GRID2: variants seen among roughly 807,000 people sequenced by gnomAD.
The protein encoded by GRID2 is glutamate receptor ionotropic, delta-2.
Under a neutral mutation model 114.8 loss-of-function variants are expected in GRID2, and 33 were observed. That is an observed-to-expected ratio of 0.29 (90% confidence interval 0.22 to 0.38). The LOEUF (loss-of-function observed/expected upper bound fraction) is 0.38, where lower values mean the gene tolerates loss of function less well. Ranked by LOEUF, GRID2 falls within the 10% of genes least tolerant of loss-of-function variation. GRID2 has a pLI of 1.00. For missense variants in GRID2, 1,184 were observed against 1,257.7 expected (o/e 0.94, Z 0.89); for synonymous variants, 505 against 449.9 (o/e 1.12, Z -1.55).
At chr4:93,572,052 T>G (rs1735977621) in intron 13 of GRID2, among the ~76,000 whole-genome samples, 1 of 152,160 alleles carries the variant, frequency 6.6e-6, no homozygotes, top group African/African-American at 2.4e-5. Flanking sequence ...TGGTTGCTGG[T>G]TGGCCTTCCT....
At position 93,773,147 on chromosome 4, in the gene GRID2, A is replaced by T. The variant is rs966067705; in HGVS notation, c.*649A>T. On this transcript the variant is annotated 3_prime_UTR_variant, in exon 16 of 16. Transcript: ENST00000282020. ...GACCTTTATGTGATTGTACAGTATTAAAAGTTTTTTCTTATGTACAGTAAA... is the reference window on the plus strand; with the variant it reads ...GACCTTTATGTGATTGTACAGTATTTAAAGTTTTTTCTTATGTACAGTAAA... The T allele has an allele frequency of 6.6e-6, 1 of 152,198 alleles. No homozygotes were observed. The highest frequency in any genetic ancestry group is 2.4e-5 in the African/African-American group (1 of 41,452). 9.4% of individuals were successfully genotyped at this position (152,198 alleles called of 1,614,324 possible).
intron 2 of GRID2, among the ~76,000 whole-genome samples, chr4:92,823,655 T>G (rs1741457587): frequency 1.3e-5 from 2 of 151,922 alleles, no homozygotes; most frequent in African/African-American, 2.4e-5. Flanking sequence ...AAAAAAATCT[T>G]ACATCTTCCT....
chr4:93,560,221 G>GAAAAAAAAAAAAAAAAAAAAAAAAAAAAA (rs1734769092), intron 13 of GRID2, among the ~76,000 whole-genome samples: 1 of 7,480 alleles, frequency 1.3e-4, no homozygotes, highest in Non-Finnish European at 2.6e-4. Context: ...AGAACTTAAA[G>GAAAAAAAAAAAAAAAAAAAAAAAAAAAAA]TAAAAAAAAA....
chr4:93,339,950 C>A (rs145632709), intron 8 of GRID2, among the ~76,000 whole-genome samples: 1,535 of 152,218 alleles, frequency 0.01, 16 homozygotes, highest in South Asian at 0.044. Flanking sequence ...GGGGAAACCG[C>A]CCCCATGATT....
chr4:92,921,849 G>A (rs781135797), intron 2 of GRID2, among the ~76,000 whole-genome samples: 20 of 152,164 alleles, frequency 1.3e-4, no homozygotes, highest in Non-Finnish European at 2.4e-4. Flanking sequence ...CTGCATGCTG[G>A]GAGAACCGCT....
intron 2 of GRID2, among the ~76,000 whole-genome samples, chr4:92,926,074 G>A (rs554302218): frequency 3.3e-5 from 5 of 151,918 alleles, no homozygotes; most frequent in African/African-American, 1.2e-4. Context: ...AGGAAAATAA[G>A]GTTTTAATAG....
chr4:92,799,128 G>T (rs1740031322), intron 2 of GRID2, among the ~76,000 whole-genome samples: 1 of 151,916 alleles, frequency 6.6e-6, no homozygotes, highest in Non-Finnish European at 1.5e-5. Context: ...AGAATCACTG[G>T]GAGCCCAGAG....
chr4:93,744,020 T>C (rs917902560), intron 14 of GRID2, among the ~76,000 whole-genome samples: 2 of 152,176 alleles, frequency 1.3e-5, no homozygotes, highest in African/African-American at 4.8e-5. Flanking sequence ...TTATACTCTA[T>C]AAATGGAACG....
At chr4:93,485,979 T>G (rs1380325312) in intron 11 of GRID2, among the ~76,000 whole-genome samples, 1 of 151,710 alleles carries the variant, frequency 6.6e-6, no homozygotes, top group Non-Finnish European at 1.5e-5. Context: ...CAGTATTAAG[T>G]CTCTCAATCA....
intron 2 of GRID2, among the ~76,000 whole-genome samples, chr4:92,936,120 T>A (rs891052241): frequency 1.4e-5 from 2 of 146,916 alleles, no homozygotes; most frequent in African/African-American, 4.9e-5. Flanking sequence ...AGAAATGCAC[T>A]TTTAAAATTA....
intron 7 of GRID2, among the ~76,000 whole-genome samples, chr4:93,236,300 T>C (rs1208472434): frequency 2.0e-5 from 3 of 151,998 alleles, no homozygotes; most frequent in Non-Finnish European, 4.4e-5. Context: ...ATACAAGCAA[T>C]CAAAGGGAAC....
chr4:93,345,046 C>T (rs1330782517), intron 8 of GRID2, among the ~76,000 whole-genome samples: 1 of 149,034 alleles, frequency 6.7e-6, no homozygotes, highest in African/African-American at 2.5e-5. Flanking sequence ...TTCATTCAAT[C>T]ATCTGTCAAT....
chr4:93,293,676 A>G (rs1176412647), intron 8 of GRID2, among the ~76,000 whole-genome samples: 2 of 152,170 alleles, frequency 1.3e-5, no homozygotes, highest in African/African-American at 4.8e-5. Context: ...AAGCAACACT[A>G]CAAAAATAAG....
At chr4:93,315,753 C>A (rs952696919) in intron 8 of GRID2, among the ~76,000 whole-genome samples, 1 of 152,100 alleles carries the variant, frequency 6.6e-6, no homozygotes, top group East Asian at 1.9e-4. Flanking sequence ...CTGAAATGCA[C>A]TAGTTACATA....
chr4:93,389,203 G>A (rs890711469), intron 8 of GRID2, among the ~76,000 whole-genome samples: 1 of 152,168 alleles, frequency 6.6e-6, no homozygotes, highest in African/African-American at 2.4e-5. Flanking sequence ...AGAATTTAAT[G>A]TGATTTTAAA....
intron 1 of GRID2, among the ~76,000 whole-genome samples, chr4:92,484,677 T>C (rs1021785380): frequency 6.6e-6 from 1 of 152,044 alleles, no homozygotes; most frequent in African/African-American, 2.4e-5. Context: ...AATGGAGAGA[T>C]TAAGATTCAG....
rs548090424 is a variant in GRID2 at position 92,879,779 on chromosome 4, C to T, written c.245-205216C>T. Among the ~76,000 whole-genome samples the T allele has an allele frequency of 1.8e-4, 28 of 152,266 alleles. No individual in the cohort carries two copies. The South Asian group carries it at 2.1e-3, about 11-fold the overall frequency. The stretch of plus-strand genomic sequence containing the variant: ...CAATGTGCAGGAGAAGTTAAGTAAA[C>T]ATCATGCAATGTTTCTATGTTAATT... On this transcript the variant is annotated intron_variant, in intron 2 of 15. Transcript: ENST00000282020.
At chr4:93,755,876 C>G (rs1007752628) in intron 14 of GRID2, among the ~76,000 whole-genome samples, 1 of 152,140 alleles carries the variant, frequency 6.6e-6, no homozygotes, top group Admixed American at 6.5e-5. Flanking sequence ...TAGTTTAAAT[C>G]TCTCTTGCTT....
At chr4:92,702,747 TA>T (rs927013734) in intron 2 of GRID2, 7 of 152,148 alleles carry the variant, frequency 4.6e-5, no homozygotes, top group African/African-American at 1.7e-4. Flanking sequence ...ACTGTGAATT[TA>T]TTTTTTTAAT....
Sources: allele counts gnomAD v4.1 joint callset (sites outside exome capture counted in the v4.1 genomes callset), GRCh38; gene constraint gnomAD v4.1.1; transcripts MANE v1.5; gene names NCBI Gene and HGNC (gene_info 2026-07-23, HGNC 2026-07-21).